Variants in CRACD observed in about 807,000 individuals in gnomAD.
The protein encoded by CRACD is capping protein-inhibiting regulator of actin dynamics.
CRACD carries 56 observed loss-of-function variants against 106.8 expected under a neutral mutation model. That is an observed-to-expected ratio of 0.52 (90% CI 0.42 to 0.66). The LOEUF (loss-of-function observed/expected upper bound fraction) is 0.66, where lower values mean the gene tolerates loss of function less well. Ranked by LOEUF, CRACD falls within the 30% of genes least tolerant of loss-of-function variation. The pLI is 0.00. For missense variants in CRACD, 1,730 were observed against 1,623.2 expected, an observed-to-expected ratio of 1.07 and a Z score of -1.13; for synonymous variants, 754 against 670.8, an observed-to-expected ratio of 1.12 and a Z score of -1.92.
At chr4:56,185,428 C>T (rs1050510247) in intron 2 of CRACD, among the ~76,000 whole-genome samples, 2 of 152,090 alleles carry the variant, frequency 1.3e-5, no homozygotes, top group South Asian at 2.1e-4. Flanking sequence ...ATGAATTTAC[C>T]GTTTCTAGAT....
chr4:56,059,275 AAAAC>A (rs56089137), intron 1 of CRACD, among the ~76,000 whole-genome samples: 55,023 of 150,784 alleles, frequency 0.36, 11,514 homozygotes, highest in African/African-American at 0.59. Context: ...CCACCTCTAC[AAAAC>A]AAACAAACAA....
Position 56,324,219 on chromosome 4 carries a change from G to C in CRACD, c.3494G>C (p.Arg1165Pro). The C allele has an allele frequency of 1.9e-6, 3 of 1,614,094 alleles. 1 individual carries two copies. In the South Asian group the frequency reaches 3.3e-5, roughly 18 times the overall value. The change falls in exon 10 of 11, where the codon CGC becomes CCC. Residue 1165 changes from arginine to proline, a missense_variant. Physicochemically the swap from Arg to Pro is moderately radical, Grantham distance 103 (BLOSUM62 -2). Around this residue, in one of 5 missense-constraint regions of CRACD, gnomAD observed 89 missense variants for 89.6 expected, o/e 0.99. Transcript: ENST00000682029. ...RPETAVSRLE[R>P]REQLKKANTL... is the part of the protein sequence containing the mutation. Reference sequence around the variant, plus strand: ...GAGACTGCAGTGTCCAGGCTTGAGCGCAGAGAACAGCTGAAAAAGGCCAAT... The same window carrying C: ...GAGACTGCAGTGTCCAGGCTTGAGCCCAGAGAACAGCTGAAAAAGGCCAAT...
At chr4:56,140,270 T>C (rs1172487055) in intron 1 of CRACD, among the ~76,000 whole-genome samples, 1 of 152,214 alleles carries the variant, frequency 6.6e-6, no homozygotes, top group African/African-American at 2.4e-5. Context: ...ACCTTCCTGT[T>C]CTCTAGTCTT....
intron 2 of CRACD, among the ~76,000 whole-genome samples, chr4:56,185,098 A>G (rs929060416): frequency 1.3e-5 from 2 of 152,028 alleles, no homozygotes; most frequent in African/African-American, 4.8e-5. Flanking sequence ...CTGCGACCAC[A>G]GGCGCCCACC....
chr4:56,162,415 T>C (rs375027850), intron 1 of CRACD, among the ~76,000 whole-genome samples: 9 of 152,156 alleles, frequency 5.9e-5, no homozygotes, highest in African/African-American at 2.2e-4. Context: ...GGCTATGTTG[T>C]CCAGGCTGGT....
chr4:56,108,475 G>T (rs1162657512), intron 1 of CRACD, among the ~76,000 whole-genome samples: 1 of 152,150 alleles, frequency 6.6e-6, no homozygotes, highest in Non-Finnish European at 1.5e-5. Context: ...AGCCCTACGG[G>T]GCTTAGCGGG....
intron 1 of CRACD, among the ~76,000 whole-genome samples, chr4:56,063,006 C>T (rs556641009): frequency 4.6e-5 from 7 of 152,144 alleles, no homozygotes; most frequent in Non-Finnish European, 8.8e-5. Flanking sequence ...ATAATTCCCT[C>T]AGGCATCTGT....
At chr4:56,273,178 C>T (rs928761419) in intron 3 of CRACD, among the ~76,000 whole-genome samples, 1 of 152,076 alleles carries the variant, frequency 6.6e-6, no homozygotes, top group African/African-American at 2.4e-5. Context: ...CTAGACTTTA[C>T]ACCCTTGTTG....
chr4:56,162,151 G>C (rs1226330109), intron 1 of CRACD, among the ~76,000 whole-genome samples: 1 of 151,872 alleles, frequency 6.6e-6, no homozygotes, highest in East Asian at 1.9e-4. Context: ...GATCAGAGAT[G>C]GGTAGATTTT....
intron 2 of CRACD, among the ~76,000 whole-genome samples, chr4:56,247,879 C>A (rs1030966425): frequency 1.3e-5 from 2 of 151,680 alleles, no homozygotes; most frequent in Non-Finnish European, 2.9e-5. Flanking sequence ...GAGAGAGAAT[C>A]CTATTGTGAA....
At chr4:56,154,886 G>A (rs1262555715) in intron 1 of CRACD, among the ~76,000 whole-genome samples, 4 of 152,254 alleles carry the variant, frequency 2.6e-5, no homozygotes, top group African/African-American at 9.6e-5. Context: ...TGAGGTATTT[G>A]ACCAAATATC....
Position 56,255,113 on chromosome 4 carries a change from CAAA to C in CRACD, c.-188-17189_-188-17187del, listed in dbSNP as rs5858370. 4.5e-3 allele frequency among the ~76,000 whole-genome samples: 340 copies of C among 74,768 alleles called. 1 individual carries two copies. The highest frequency in any genetic ancestry group is 0.014 in the African/African-American group (301 of 21,278). 49.1% of individuals were successfully genotyped at this position (74,768 alleles called of 152,430 possible). A position where few individuals can be genotyped will look rare whatever the true frequency, so the allele number is the denominator to read the frequency against. Reference sequence around the variant, plus strand: ...TAAGTGACAGAGTGAGACTCCATCTCAAAAAAAAAAAAAAAAAAAAACTAAAAA... The same window carrying C: ...TAAGTGACAGAGTGAGACTCCATCTCAAAAAAAAAAAAAAAAAACTAAAAA... On this transcript the variant is annotated intron_variant, in intron 2 of 10. Coordinates refer to ENST00000682029, the MANE Select transcript of CRACD (RefSeq NM_001393381.1).
intron 8 of CRACD, chr4:56,320,741 G>C (rs547379460): frequency 6.5e-6 from 1 of 152,768 alleles, no homozygotes; most frequent in South Asian, 2.1e-4. Flanking sequence ...TGATGGTCCA[G>C]TGTTGAAGCT....
chr4:56,158,413 A>G (rs1475977780), intron 1 of CRACD, among the ~76,000 whole-genome samples: 1 of 152,112 alleles, frequency 6.6e-6, no homozygotes, highest in African/African-American at 2.4e-5. Flanking sequence ...AATTCCTCTA[A>G]AGGAAAGAAC....
At chr4:56,142,888 A>G (rs778964271) in intron 1 of CRACD, among the ~76,000 whole-genome samples, 1 of 152,044 alleles carries the variant, frequency 6.6e-6, no homozygotes, top group African/African-American at 2.4e-5. Flanking sequence ...ACATGCCTCT[A>G]TGATTATTTT....
intron 2 of CRACD, among the ~76,000 whole-genome samples, chr4:56,191,396 C>T (rs533813785): frequency 1.3e-5 from 2 of 151,900 alleles, no homozygotes; most frequent in East Asian, 1.9e-4. Context: ...TCCCTTCCTC[C>T]CTCCCTCCCT....
At chr4:56,198,006 A>T (rs1346357765) in intron 2 of CRACD, among the ~76,000 whole-genome samples, 1 of 151,884 alleles carries the variant, frequency 6.6e-6, no homozygotes, top group Non-Finnish European at 1.5e-5. Flanking sequence ...TAAGAAATGC[A>T]TCCTATTTTT....
chr4:56,151,211 G>A (rs1735569535), intron 1 of CRACD, among the ~76,000 whole-genome samples: 1 of 152,106 alleles, frequency 6.6e-6, no homozygotes, highest in Non-Finnish European at 1.5e-5. Context: ...TGGCCAGGCT[G>A]CTGGTCTCGA....
rs73817330 is a variant in CRACD at position 56,082,514 on chromosome 4, G to A, written c.-336+33215G>A. 5.4e-3 allele frequency among the ~76,000 whole-genome samples: 825 copies of A among 152,302 alleles called. 7 individuals are homozygous for A. Among genetic ancestry groups the A allele is most frequent in the African/African-American group, 0.019 (774 of 41,566 alleles). ...AGAGATTCTGGTGCCTTTTATGAGG[G>A]GGATGGTAGGGTAGATGGAGTGAAG... On this transcript the variant is annotated intron_variant, in intron 1 of 10. Coordinates refer to ENST00000682029, the MANE Select transcript of CRACD (RefSeq NM_001393381.1).
Sources: gnomAD v4.1 joint callset for allele counts (sites outside exome capture counted in the v4.1 genomes callset) on GRCh38, gnomAD v4.1.1 for gene constraint, gnomAD v4.1.1 regional missense constraint, MANE v1.5 for transcripts, NCBI Gene and HGNC (gene_info 2026-07-23, HGNC 2026-07-21) for gene names.